The following CTNNBL1 variants were observed in gnomAD, a reference collection of about 807,000 sequenced individuals.
The protein encoded by CTNNBL1 is catenin beta like 1.
A neutral mutation model predicts 72.7 loss-of-function variants in CTNNBL1; 31 were observed. The ratio of observed to expected loss-of-function variants is 0.43; its 90% confidence interval spans 0.32 to 0.58. CTNNBL1 has a LOEUF of 0.58. Among genes scored for constraint, CTNNBL1 ranks in the 20% least tolerant of loss-of-function variants. The pLI, the probability that CTNNBL1 is intolerant of heterozygous loss-of-function variation, is 0.08. For missense variants in CTNNBL1, 534 were observed against 725.1 expected, an observed-to-expected ratio of 0.74 and a Z score of 3.03; for synonymous variants, 240 against 267.3, an observed-to-expected ratio of 0.90 and a Z score of 1.00.
intron 1 of CTNNBL1, among the ~76,000 whole-genome samples, chr20:37,718,241 C>T (rs1469090642): frequency 7.2e-6 from 1 of 138,730 alleles, no homozygotes; most frequent in Non-Finnish European, 1.6e-5. Context: ...GGGGGGCTGA[C>T]CCCCCCACCT....
intron 7 of CTNNBL1, among the ~76,000 whole-genome samples, chr20:37,772,804 T>C (rs1387560855): frequency 6.6e-6 from 1 of 152,212 alleles, no homozygotes; most frequent in Non-Finnish European, 1.5e-5. Context: ...GATTCTTAAG[T>C]GAGTGGCACA....
intron 11 of CTNNBL1, among the ~76,000 whole-genome samples, chr20:37,837,705 A>G (rs1256439264): frequency 6.6e-6 from 1 of 152,218 alleles, no homozygotes; most frequent in Admixed American, 6.5e-5. Flanking sequence ...CCAGAATTCA[A>G]AAGTGGCCTG....
intron 1 of CTNNBL1, among the ~76,000 whole-genome samples, chr20:37,725,265 A>G (rs2073073913): frequency 6.6e-6 from 1 of 151,474 alleles, no homozygotes; most frequent in African/African-American, 2.4e-5. Flanking sequence ...CTAACTATTA[A>G]TGGTCAGAGT....
At chr20:37,713,022 A>G (rs1272549973) in intron 1 of CTNNBL1, among the ~76,000 whole-genome samples, 2 of 152,202 alleles carry the variant, frequency 1.3e-5, no homozygotes, top group Non-Finnish European at 2.9e-5. Flanking sequence ...GCCAATGTAA[A>G]GTCACTGAAT....
chr20:37,765,164 T>A, intron 5 of CTNNBL1, 33 bp from the exon 6 acceptor site: 1 of 1,448,870 alleles, frequency 6.9e-7, no homozygotes, highest in Non-Finnish European at 9.5e-7. Context: ...TTTTATGACA[T>A]CCCTCTCTCC....
At chr20:37,840,003 C>A in intron 11 of CTNNBL1, 99 bp from the exon 12 acceptor site, 2 of 790,934 alleles carry the variant, frequency 2.5e-6, no homozygotes, top group Non-Finnish European at 2.1e-6. Context: ...TCAGAAAGGC[C>A]TACTTATTCT....
At chr20:37,729,052 C>T (rs557213080) in intron 1 of CTNNBL1, among the ~76,000 whole-genome samples, 65 of 152,300 alleles carry the variant, frequency 4.3e-4, no homozygotes, top group African/African-American at 1.5e-3. Context: ...AACCTTATAA[C>T]TCTTTAGTAA....
chr20:37,732,890 C>T lies in CTNNBL1; in HGVS notation c.42C>T (p.Gly14=), dbSNP rs769331031. 15 of 1,613,406 alleles carry T rather than the reference C, an allele frequency of 9.3e-6. No individual in the cohort carries two copies. The Admixed American group carries it at 2.5e-4, about 27-fold the overall frequency. Residue 14 remains glycine (G), a synonymous_variant, in exon 2 of 16, where the codon GGC becomes GGT. Coordinates refer to ENST00000361383, the MANE Select transcript of CTNNBL1 (RefSeq NM_030877.5). ...GELLSYQPNR[G]TKRPRDDEEE... is the part of the protein sequence containing the mutation. ...TTCTTTTCTCTCAGCCCAATAGGGG[C>T]ACAAAACGTCCCCGGGATGATGAAG...
intron 5 of CTNNBL1, among the ~76,000 whole-genome samples, chr20:37,759,798 T>TA (rs1375361493): frequency 6.6e-6 from 1 of 151,468 alleles, no homozygotes; most frequent in Admixed American, 6.6e-5. Context: ...GCGGTGGTCT[T>TA]CCATTTACTT....
intron 10 of CTNNBL1, among the ~76,000 whole-genome samples, chr20:37,784,044 ATATATT>A (rs2073650216): frequency 1.3e-5 from 2 of 152,068 alleles, no homozygotes; most frequent in Non-Finnish European, 2.9e-5. Flanking sequence ...TTGGGTGCAT[ATATATT>A]TATAATTGTT....
chr20:37,850,173 G>A (rs1294488815), intron 13 of CTNNBL1, among the ~76,000 whole-genome samples: 2 of 144,318 alleles, frequency 1.4e-5, no homozygotes, highest in South Asian at 2.3e-4. Flanking sequence ...AGTATAAGTT[G>A]TCAAAATTCA....
At chr20:37,755,454 T>C (rs905010159) in intron 4 of CTNNBL1, among the ~76,000 whole-genome samples, 12 of 152,330 alleles carry the variant, frequency 7.9e-5, no homozygotes, top group African/African-American at 2.6e-4. Context: ...TAGATGAAGA[T>C]GCTAAGCATG....
chr20:37,707,948 A>AG (rs2122553339), intron 1 of CTNNBL1, among the ~76,000 whole-genome samples: 1 of 152,110 alleles, frequency 6.6e-6, no homozygotes, highest in Admixed American at 6.6e-5. Flanking sequence ...AGAGAGAGAG[A>AG]AAGAGGAAAG....
chr20:37,871,669 G>A (rs1215107392), intron 15 of CTNNBL1, among the ~76,000 whole-genome samples: 6 of 152,188 alleles, frequency 3.9e-5, no homozygotes, highest in African/African-American at 1.4e-4. Context: ...TCCACGCCAT[G>A]TGTGTTGAGT....
At chr20:37,739,265 A>G (rs1219753973) in intron 3 of CTNNBL1, among the ~76,000 whole-genome samples, 4 of 151,994 alleles carry the variant, frequency 2.6e-5, no homozygotes, top group Admixed American at 2.0e-4. Flanking sequence ...AATTATGCAA[A>G]TGTATTTGTT....
chr20:37,735,192 A>G (rs889906036), intron 2 of CTNNBL1, among the ~76,000 whole-genome samples: 1 of 152,058 alleles, frequency 6.6e-6, no homozygotes, highest in Non-Finnish European at 1.5e-5. Flanking sequence ...ACAGGTAACA[A>G]TTTCATTCAT....
At chr20:37,721,036 A>G (rs1266939841) in intron 1 of CTNNBL1, among the ~76,000 whole-genome samples, 2 of 152,206 alleles carry the variant, frequency 1.3e-5, no homozygotes, top group African/African-American at 4.8e-5. Context: ...CTCTAGCTGC[A>G]GTGAAGGGGG....
chr20:37,794,135 T>C (rs1040906130), intron 10 of CTNNBL1, among the ~76,000 whole-genome samples: 1 of 152,146 alleles, frequency 6.6e-6, no homozygotes, highest in South Asian at 2.1e-4. Flanking sequence ...AAAAGTCTTT[T>C]ATATTCACCC....
chr20:37,748,609 G>A (rs957598370), intron 4 of CTNNBL1, among the ~76,000 whole-genome samples: 3 of 152,182 alleles, frequency 2.0e-5, no homozygotes, highest in South Asian at 2.1e-4. Flanking sequence ...ACAAAATACC[G>A]TAAACTGGGT....
Sources: allele counts gnomAD v4.1 joint callset (sites outside exome capture counted in the v4.1 genomes callset), GRCh38; gene constraint gnomAD v4.1.1; transcripts MANE v1.5; gene names NCBI Gene and HGNC (gene_info 2026-07-23, HGNC 2026-07-21).